The following DPYD variants were observed in gnomAD, a reference collection of about 807,000 sequenced individuals.
DPYD encodes dihydropyrimidine dehydrogenase, also known as dihydropyrimidine dehydrogenase [NADP(+)].
DPYD carries 109 observed loss-of-function variants against 116.2 expected under a neutral mutation model. That is an observed-to-expected ratio of 0.94 (90% CI 0.80 to 1.10). The LOEUF is 1.10. Among genes scored for constraint, DPYD ranks in the 50% least tolerant of loss-of-function variants. DPYD has a pLI of 0.00. For missense variants in DPYD, 1,302 were observed against 1,254.5 expected (o/e 1.04, Z -0.57); for synonymous variants, 440 against 432.0 (o/e 1.02, Z -0.23).
intron 20 of DPYD, among the ~76,000 whole-genome samples, chr1:97,147,946 T>C (rs1654749526): frequency 1.3e-5 from 2 of 152,162 alleles, no homozygotes; most frequent in African/African-American, 4.8e-5. Flanking sequence ...GTGTGTGCAC[T>C]TTGGATAGAT....
intron 4 of DPYD, among the ~76,000 whole-genome samples, chr1:97,733,992 T>C (rs1663782502): frequency 6.6e-6 from 1 of 152,088 alleles, no homozygotes; most frequent in African/African-American, 2.4e-5. Context: ...ATCCTTCTCA[T>C]ATAAATTTTC....
At chr1:97,173,222 G>A (rs546963482) in intron 20 of DPYD, among the ~76,000 whole-genome samples, 3 of 96,384 alleles carry the variant, frequency 3.1e-5, no homozygotes, top group East Asian at 2.3e-4. Context: ...ACACATATAC[G>A]TACATATATG....
chr1:97,838,916 T>C (rs557540190), intron 2 of DPYD, among the ~76,000 whole-genome samples: 1 of 152,274 alleles, frequency 6.6e-6, no homozygotes, highest in South Asian at 2.1e-4. Context: ...ACATAAACTT[T>C]TCAATCACAT....
chr1:97,515,040 A>G (rs983324696), intron 13 of DPYD, among the ~76,000 whole-genome samples: 1 of 151,956 alleles, frequency 6.6e-6, no homozygotes, highest in African/African-American at 2.4e-5. Context: ...TTATCAATAA[A>G]TGGTCTAAAA....
chr1:97,501,451 C>T (rs1161826593), intron 13 of DPYD, among the ~76,000 whole-genome samples: 9 of 152,000 alleles, frequency 5.9e-5, no homozygotes, highest in Admixed American at 5.9e-4. Context: ...CCTATAATCC[C>T]AGAACTTTGG....
intron 18 of DPYD, among the ~76,000 whole-genome samples, chr1:97,268,425 AG>A (rs1307485995): frequency 6.6e-6 from 1 of 152,114 alleles, no homozygotes; most frequent in Non-Finnish European, 1.5e-5. Context: ...CCCTAGTAAT[AG>A]CTCTTTGCAG....
intron 3 of DPYD, among the ~76,000 whole-genome samples, chr1:97,757,816 T>C (rs551073138): frequency 1.3e-5 from 2 of 152,322 alleles, no homozygotes; most frequent in Middle Eastern, 3.4e-3. Context: ...ATTCACAATA[T>C]GTAGGAAGTT....
chr1:97,409,326 T>A (rs1481976401), intron 14 of DPYD, among the ~76,000 whole-genome samples: 2 of 152,150 alleles, frequency 1.3e-5, no homozygotes, highest in South Asian at 2.1e-4. Context: ...AATTAGATAA[T>A]CCTGGTGGGT....
chr1:97,695,239 C>T lies in DPYD; in HGVS notation c.681-3441G>A, dbSNP rs557320738. On this transcript the variant is annotated intron_variant, in intron 6 of 22. Coordinates refer to ENST00000370192, the MANE Select transcript of DPYD (RefSeq NM_000110.4). Reference sequence around the variant, plus strand: ...AAATTGAAAATAGCTATATCCTTCACATTAAAATAATGTTTTAATCATTTT... The same window carrying T: ...AAATTGAAAATAGCTATATCCTTCATATTAAAATAATGTTTTAATCATTTT... Among the ~76,000 whole-genome samples the T allele has an allele frequency of 1.1e-4, 17 of 151,962 alleles. No homozygotes were observed. In the East Asian group the frequency reaches 3.3e-3, roughly 29 times the overall value.
At chr1:97,477,681 C>A (rs1031708551) in intron 13 of DPYD, among the ~76,000 whole-genome samples, 2 of 147,566 alleles carry the variant, frequency 1.4e-5, no homozygotes, top group African/African-American at 5.1e-5. Context: ...ACTGCAGTGG[C>A]GCAATCTCGG....
chr1:97,504,275 C>T (rs762544264), intron 13 of DPYD, among the ~76,000 whole-genome samples: 7 of 151,806 alleles, frequency 4.6e-5, no homozygotes, highest in Admixed American at 1.3e-4. Flanking sequence ...CTTGATATAT[C>T]GAAAAGGTGT....
intron 2 of DPYD, among the ~76,000 whole-genome samples, chr1:97,853,987 T>C (rs1670693204): frequency 6.6e-6 from 1 of 152,202 alleles, no homozygotes; most frequent in Non-Finnish European, 1.5e-5. Flanking sequence ...AATTAAAATA[T>C]TGCTTTGTCT....
At chr1:97,549,366 C>T (rs1435409579) in intron 12 of DPYD, among the ~76,000 whole-genome samples, 194 bp downstream of exon 12, 1 of 152,140 alleles carries the variant, frequency 6.6e-6, no homozygotes, top group African/African-American at 2.4e-5. Context: ...GCCCGCCTGG[C>T]CCAATTTTTA....
At chr1:97,419,677 C>A (rs1394515835) in intron 14 of DPYD, among the ~76,000 whole-genome samples, 2 of 151,772 alleles carry the variant, frequency 1.3e-5, no homozygotes, top group Admixed American at 1.3e-4. Flanking sequence ...TTTTTTATAC[C>A]AAAAAGATAA....
At chr1:97,716,909 T>C (rs1662647525) in intron 5 of DPYD, among the ~76,000 whole-genome samples, 1 of 152,014 alleles carries the variant, frequency 6.6e-6, no homozygotes, top group Admixed American at 6.6e-5. Context: ...ATCAATTACA[T>C]GAAAAAATTC....
chr1:97,544,308 C>A (rs1650665029), intron 12 of DPYD, among the ~76,000 whole-genome samples: 1 of 152,140 alleles, frequency 6.6e-6, no homozygotes, highest in Non-Finnish European at 1.5e-5. Context: ...AACACCCTGG[C>A]AGGAAGGTGG....
chr1:97,733,112 CTAGAG>C (rs542078971), intron 4 of DPYD, among the ~76,000 whole-genome samples: 8 of 152,038 alleles, frequency 5.3e-5, no homozygotes, highest in South Asian at 4.1e-4. Context: ...CATTAGTATA[CTAGAG>C]TAATTATTCA....
intron 2 of DPYD, among the ~76,000 whole-genome samples, chr1:97,882,499 A>C (rs951679161): frequency 2.0e-5 from 3 of 152,064 alleles, no homozygotes; most frequent in Non-Finnish European, 2.9e-5. Flanking sequence ...TGTTAAACTA[A>C]TACTACTGTC....
At chr1:97,638,212 T>A (rs967799731) in intron 8 of DPYD, among the ~76,000 whole-genome samples, 1 of 151,908 alleles carries the variant, frequency 6.6e-6, no homozygotes, top group Non-Finnish European at 1.5e-5. Context: ...ACAGTGAGGG[T>A]AAAAACCCTC....
Sources: gnomAD v4.1 joint callset for allele counts (sites outside exome capture counted in the v4.1 genomes callset) on GRCh38, gnomAD v4.1.1 for gene constraint, MANE v1.5 for transcripts, NCBI Gene and HGNC (gene_info 2026-07-23, HGNC 2026-07-21) for gene names.